The following CDC16 variants were observed in gnomAD, a reference collection of about 807,000 sequenced individuals.
The protein encoded by CDC16 is cell division cycle 16, also known as cell division cycle protein 16 homolog.
A neutral mutation model predicts 87.0 loss-of-function variants in CDC16; 34 were observed. The ratio of observed to expected loss-of-function variants is 0.39; its 90% CI spans 0.30 to 0.52. The LOEUF (loss-of-function observed/expected upper bound fraction) is 0.52, where lower values mean the gene tolerates loss of function less well. Among genes scored for constraint, CDC16 ranks in the 20% least tolerant of loss-of-function variants. CDC16 has a pLI of 0.74. For missense variants in CDC16, 653 were observed against 751.9 expected (o/e 0.87, Z 1.54); for synonymous variants, 263 against 260.6 (o/e 1.01, Z -0.09).
rs185542351 is a variant in CDC16 at position 114,239,288 on chromosome 13, C to T, written c.241-62C>T. The T allele has an allele frequency of 1.3e-5, 20 of 1,541,726 alleles. No homozygotes were observed. In the Middle Eastern group the frequency reaches 7.0e-4, roughly 54 times the overall value. Reference sequence around the variant, plus strand: ...TAGTATATGTTATCCTTTAAAAATTCGGATCATGTGTTTCGTGTTAGAAGT... The same window carrying T: ...TAGTATATGTTATCCTTTAAAAATTTGGATCATGTGTTTCGTGTTAGAAGT... On this transcript the variant is annotated intron_variant, in intron 4 of 17. Coordinates refer to ENST00000356221, the MANE Select transcript of CDC16 (RefSeq NM_001078645.3).
intron 11 of CDC16, 42 bp from the exon 12 acceptor site, chr13:114,250,507 A>T: frequency 6.5e-7 from 1 of 1,531,650 alleles, no homozygotes; most frequent in Non-Finnish European, 8.8e-7. Context: ...AAAAAAAAAA[A>T]GAATAAATAC....
chr13:114,248,941 C>T (rs1238452062), intron 11 of CDC16, among the ~76,000 whole-genome samples: 2 of 151,884 alleles, frequency 1.3e-5, no homozygotes, highest in Non-Finnish European at 2.9e-5. Flanking sequence ...TTTTTGGCAC[C>T]AGGGACCATT....
intron 4 of CDC16, 52 bp downstream of exon 4, chr13:114,239,080 TGCATCTCTTAAATATGTGTGA>T (rs3831159): frequency 0.25 from 392,512 of 1,594,918 alleles, 52,412 homozygotes; most frequent in African/African-American, 0.51. Context: ...ATGAGTGTTA[TGCATCTCTTAAATATGTGTGA>T]GAATTTTAGT....
intron 17 of CDC16, among the ~76,000 whole-genome samples, chr13:114,266,841 A>G (rs563211521): frequency 4.0e-4 from 60 of 151,858 alleles, no homozygotes; most frequent in Non-Finnish European, 6.8e-4. Flanking sequence ...GACTACAGGC[A>G]CCCATCACCA....
chr13:114,250,884 C>T (rs2082134139), intron 12 of CDC16, among the ~76,000 whole-genome samples: 1 of 152,024 alleles, frequency 6.6e-6, no homozygotes, highest in Non-Finnish European at 1.5e-5. Context: ...TGATTCCAAC[C>T]AGTGCAAGAA....
In CDC16 at chr13:114,235,118, C is replaced by CA; in HGVS notation, c.35dup (p.Tyr13ValfsTer16). 1 of 1,245,564 alleles carries CA rather than the reference C, an allele frequency of 8.0e-7. No individual in the cohort carries two copies. Among genetic ancestry groups the CA allele is most frequent in the Non-Finnish European group, 1.0e-6 (1 of 995,222 alleles). The allele number at this position is 1,245,564 out of a possible 1,614,324, so 77.2% of individuals were successfully genotyped here. On this transcript the variant is annotated frameshift_variant, in exon 1 of 18. Coordinates refer to ENST00000356221, the MANE Select transcript of CDC16 (RefSeq NM_001078645.3). LOFTEE classifies it high-confidence loss of function. ...AGAGCGGCTGCGGAAGCGCGTCCGG[C>CA]AGTACCTCGACCAGGTGGGCGGCCC... is the stretch of plus-strand genomic sequence containing the variant.
intron 7 of CDC16, 126 bp downstream of exon 7, chr13:114,243,474 G>C (rs1377124965): frequency 3.5e-6 from 2 of 569,550 alleles, no homozygotes; most frequent in Admixed American, 3.2e-5. Flanking sequence ...TTTAAGAATA[G>C]AGCGTTTAAG....
At chr13:114,263,622 A>G (rs1193388641) in intron 16 of CDC16, among the ~76,000 whole-genome samples, 1 of 152,238 alleles carries the variant, frequency 6.6e-6, no homozygotes, top group East Asian at 1.9e-4. Flanking sequence ...AAATGGTTAC[A>G]ATATTCAGCC....
Position 114,262,884 on chromosome 13 carries a change from A to G in CDC16, c.1382A>G (p.Tyr461Cys). The G allele has an allele frequency of 6.2e-7, 1 of 1,614,176 alleles. No individual in the cohort carries two copies. The highest frequency in any genetic ancestry group is 8.5e-7 in the Non-Finnish European group (1 of 1,180,004). ...LGHVCRKLKKYAEALDYHRQA... is the reference protein window; with the variant it reads ...LGHVCRKLKKCAEALDYHRQA... ...AATTGTGTTCTCTCCCACAGAAAGT[A>G]TGCTGAGGCCTTGGATTACCACCGT... Residue 461 changes from tyrosine to cysteine, a missense_variant, in exon 16 of 18, where the codon TAT (tyrosine) becomes TGT (cysteine). Coordinates refer to ENST00000356221, the MANE Select transcript of CDC16 (RefSeq NM_001078645.3).
At chr13:114,270,914 CTTTTTTTTTTTTT>C (rs571053869) in intron 17 of CDC16, among the ~76,000 whole-genome samples, 1 of 101,140 alleles carries the variant, frequency 9.9e-6, no homozygotes, top group Non-Finnish European at 1.9e-5. Flanking sequence ...AGAGATTTAC[CTTTTTTTTTTTTT>C]TTTTTTTTTT....
chr13:114,250,811 T>A, intron 12 of CDC16, 137 bp downstream of exon 12: 1 of 855,766 alleles, frequency 1.2e-6, no homozygotes, highest in Non-Finnish European at 1.8e-6. Context: ...TAGTTGCTTG[T>A]GATTGTAAAA....
intron 13 of CDC16, among the ~76,000 whole-genome samples, chr13:114,258,806 T>C (rs2082662705): frequency 6.6e-6 from 1 of 152,110 alleles, no homozygotes; most frequent in South Asian, 2.1e-4. Flanking sequence ...TTATAGAACA[T>C]AAATACTGTG....
In CDC16 at chr13:114,243,309, G is replaced by T. The variant is rs138031861; in HGVS notation, c.594G>T (p.Gln198His). The change falls in exon 7 of 18, where the codon CAG becomes CAT. Residue 198 changes from glutamine to histidine, a missense_variant. By Grantham distance (24) the Gln-to-His change is conservative. Coordinates refer to ENST00000356221, the MANE Select transcript of CDC16 (RefSeq NM_001078645.3). ...TTAGCAAGCTGTGTAATGAAGAACA[G>T]GAATTGCTGCGTTTTCTATTTGAGA... ...LPLSKLCNEE[Q>H]ELLRFLFENK... 4.7e-5 allele frequency: 75 copies of T among 1,592,904 alleles called. No homozygotes were observed. The African/African-American group carries it at 9.1e-4, about 19-fold the overall frequency.
chr13:114,257,952 A>C (rs2082611069), intron 13 of CDC16, among the ~76,000 whole-genome samples: 1 of 151,812 alleles, frequency 6.6e-6, no homozygotes, highest in African/African-American at 2.4e-5. Context: ...ACGCCCGGCT[A>C]ATTTTTGTAT....
Position 114,236,825 on chromosome 13 carries a change from G to C in CDC16, c.130G>C (p.Ala44Pro). ...AGAACCCCAGGACATCTATTGGTTG[G>C]CTCAGTGTCTTTACCTGACAGCACA... ...REEPQDIYWL[A>P]QCLYLTAQYH... The change falls in exon 3 of 18, where the codon GCT becomes CCT. Residue 44 changes from alanine to proline, a missense_variant. Coordinates refer to ENST00000356221, the MANE Select transcript of CDC16 (RefSeq NM_001078645.3). The C allele has an allele frequency of 6.2e-7, 1 of 1,613,090 alleles. No individual in the cohort carries two copies. The highest frequency in any genetic ancestry group is 8.5e-7 in the Non-Finnish European group (1 of 1,179,586).
At chr13:114,258,344 A>G (rs1029858090) in intron 13 of CDC16, among the ~76,000 whole-genome samples, 5 of 152,216 alleles carry the variant, frequency 3.3e-5, no homozygotes, top group African/African-American at 1.2e-4. Context: ...CCTGGCACAC[A>G]CACTTCCAGC....
At chr13:114,244,102 TCTTTACCAATTGTAGAG>T (rs2081713849) in intron 8 of CDC16, 113 bp downstream of exon 8, 1 of 745,044 alleles carries the variant, frequency 1.3e-6, no homozygotes, top group East Asian at 2.6e-5. Context: ...ATTTAAGTTA[TCTTTACCAATTGTAGAG>T]CACTGAACAG....
intron 8 of CDC16, 63 bp from the exon 9 acceptor site, chr13:114,244,827 C>A: frequency 1.0e-6 from 1 of 959,354 alleles, no homozygotes; most frequent in Non-Finnish European, 1.7e-6. Context: ...TACACATAGC[C>A]GATCGTCGTG....
At position 114,242,123 on chromosome 13, in the gene CDC16, A is replaced by G. The variant is rs777763351; in HGVS notation, c.384A>G (p.Ile128Met). The G allele has an allele frequency of 3.8e-6, 6 of 1,595,750 alleles. No individual in the cohort carries two copies. In the Admixed American group the frequency reaches 7.4e-5, roughly 20 times the overall value. The change falls in exon 6 of 18, where the codon ATA becomes ATG. Residue 128 changes from isoleucine to methionine, a missense_variant and splice_region_variant. Transcript: ENST00000356221. ...SSDWEMSQSS[I>M]KSSICLLRGK... is the part of the protein sequence containing the mutation. ...GTGACTCATCATTTTTCCAACAGATAAAGAGTTCTATCTGTCTTCTACGCG... is the reference window on the plus strand; with the variant it reads ...GTGACTCATCATTTTTCCAACAGATGAAGAGTTCTATCTGTCTTCTACGCG...
Sources: gnomAD v4.1 joint callset for allele counts (sites outside exome capture counted in the v4.1 genomes callset) on GRCh38, gnomAD v4.1.1 for gene constraint, MANE v1.5 for transcripts, NCBI Gene and HGNC (gene_info 2026-07-23, HGNC 2026-07-21) for gene names.